DST: variants seen among roughly 807,000 people sequenced by gnomAD.
DST encodes dystonin.
DST carries 253 observed loss-of-function variants against 875.2 expected under a neutral mutation model. That is an observed-to-expected ratio of 0.29 (90% confidence interval 0.26 to 0.32). The LOEUF (loss-of-function observed/expected upper bound fraction) is 0.32. Ranked by LOEUF, DST falls within the 10% of genes least tolerant of loss-of-function variation. The pLI, the probability that DST is intolerant of heterozygous loss-of-function variation, is 1.00. For synonymous variants in DST, 3,124 were observed against 3,197.1 expected (o/e 0.98, Z 0.77); for missense variants, 8,287 against 9,111.6 (o/e 0.91, Z 3.68).
At chr6:56,580,679 G>A (rs532364141) in intron 49 of DST, among the ~76,000 whole-genome samples, 2 of 151,080 alleles carry the variant, frequency 1.3e-5, no homozygotes, top group East Asian at 3.9e-4. Context: ...AAGAGTAGAA[G>A]TGTCCAAAGA....
At chr6:56,915,433 C>A (rs1188379842) in intron 2 of DST, among the ~76,000 whole-genome samples, 4 of 151,866 alleles carry the variant, frequency 2.6e-5, no homozygotes, top group Non-Finnish European at 5.9e-5. Flanking sequence ...AAGAAGACAG[C>A]CTAGAGAGGT....
intron 46 of DST, 22 bp from the exon 47 acceptor site, chr6:56,598,028 G>A (rs754393494): frequency 1.6e-5 from 25 of 1,557,702 alleles, no homozygotes; most frequent in Non-Finnish European, 2.2e-5. Context: ...AAGTTCACAG[G>A]AGGAATTCAG....
intron 57 of DST, among the ~76,000 whole-genome samples, chr6:56,560,793 C>G (rs993122219): frequency 5.9e-5 from 9 of 152,144 alleles, no homozygotes; most frequent in African/African-American, 1.9e-4. Context: ...GGAGAATCTA[C>G]ATGTGAATAA....
chr6:56,601,642 T>G lies in DST; in HGVS notation c.11342A>C (p.Gln3781Pro). ...CACATCAAAGGCAGTAGTCTCCAGC[T>G]GCATTTTGGTATGTCCAAGGTCTTT... is the stretch of plus-strand genomic sequence containing the variant. ...VLKDLGHTKM[Q>P]LETTAFDVQF... The change falls in exon 44 of 104, where the codon CAG (glutamine) becomes CCG (proline). Residue 3781 changes from glutamine to proline, a missense_variant. Gln to Pro is a moderately conservative substitution (Grantham distance 76, BLOSUM62 -1). Transcript: ENST00000680361. 6 of 1,590,392 alleles carry G rather than the reference T, an allele frequency of 3.8e-6. No homozygotes were observed. Among genetic ancestry groups the G allele is most frequent in the Non-Finnish European group, 5.1e-6 (6 of 1,167,330 alleles).
rs182938067 is a variant in DST, at chr6:56,897,627, G to A, written c.417+2794C>T. Among the ~76,000 whole-genome samples, 68 of 152,134 alleles carry A rather than the reference G, an allele frequency of 4.5e-4. No homozygotes were observed. In the South Asian group the frequency reaches 0.013, roughly 28 times the overall value. On this transcript the variant is annotated intron_variant, in intron 3 of 103. Coordinates refer to ENST00000680361, the MANE Select transcript of DST (RefSeq NM_001374736.1). ...ATTACAGGAGTGAGCCACCATGCTC[G>A]GCCACCAGGTAGGTATGTTTTTATT... is the stretch of plus-strand genomic sequence containing the variant.
chr6:56,667,097 A>ATGGGGTCT (rs1218120263), intron 10 of DST, among the ~76,000 whole-genome samples: 3 of 152,068 alleles, frequency 2.0e-5, no homozygotes, highest in African/African-American at 7.2e-5. Context: ...TTTTGTAGAG[A>ATGGGGTCT]TGGGGTCTTG....
At chr6:56,783,901 C>T (rs1303374906) in intron 4 of DST, among the ~76,000 whole-genome samples, 2 of 152,122 alleles carry the variant, frequency 1.3e-5, no homozygotes, top group African/African-American at 2.4e-5. Flanking sequence ...CCTTCAGGCG[C>T]TCTTTTAGGG....
chr6:56,582,257 T>A (rs1257801946), intron 49 of DST, among the ~76,000 whole-genome samples: 2 of 152,230 alleles, frequency 1.3e-5, no homozygotes, highest in East Asian at 3.8e-4. Context: ...CAATCCTCAA[T>A]GTTCAAGGGA....
At chr6:56,767,210 T>C (rs1240348838) in intron 4 of DST, among the ~76,000 whole-genome samples, 1 of 152,176 alleles carries the variant, frequency 6.6e-6, no homozygotes, top group East Asian at 1.9e-4. Context: ...CTAATATTTA[T>C]TGAAAACCTA....
chr6:56,618,369 A>T (rs747981663), intron 36 of DST: 1 of 1,613,748 alleles, frequency 6.2e-7, no homozygotes, highest in Non-Finnish European at 8.5e-7. Flanking sequence ...GAGTGCTGGC[A>T]CTCCTTCACT....
chr6:56,473,964 A>G lies in DST; in HGVS notation c.21903T>C (p.Val7301=). The change falls in exon 93 of 104, where the codon GTT becomes GTC. Residue 7301 remains valine (V), a synonymous_variant. Transcript: ENST00000680361. ...MEEMTRKQPD[V]DKVTKTYKRR... is the part of the protein sequence containing the mutation. ...TCTTATAGGTCTTCGTTACTTTATC[A>G]ACATCAGGCTGTTTTCTGGTCATTT... The G allele has an allele frequency of 6.3e-7, 1 of 1,583,150 alleles. No individual in the cohort carries two copies. Among genetic ancestry groups the G allele is most frequent in the Non-Finnish European group, 8.6e-7 (1 of 1,162,302 alleles).
intron 93 of DST, among the ~76,000 whole-genome samples, chr6:56,472,546 C>T (rs1278978041): frequency 6.6e-6 from 1 of 152,122 alleles, no homozygotes; most frequent in Non-Finnish European, 1.5e-5. Context: ...ATGCTGTGAT[C>T]CTCCACTTTG....
chr6:56,790,415 G>C (rs187111958), intron 4 of DST, among the ~76,000 whole-genome samples: 3 of 152,124 alleles, frequency 2.0e-5, no homozygotes, highest in Admixed American at 1.3e-4. Flanking sequence ...TTTTCACTAT[G>C]CATGCTACAT....
intron 4 of DST, among the ~76,000 whole-genome samples, chr6:56,792,935 G>A (rs1044364174): frequency 6.6e-6 from 1 of 151,840 alleles, no homozygotes; most frequent in African/African-American, 2.4e-5. Flanking sequence ...TAGGCATGGT[G>A]GCATGTACCT....
At position 56,616,995 on chromosome 6, in the gene DST, C is replaced by T. The variant is rs752133375; in HGVS notation, c.4930-2511G>A. The T allele has an allele frequency of 6.3e-5, 102 of 1,609,554 alleles. No homozygotes were observed. The highest frequency in any genetic ancestry group is 8.4e-5 in the Admixed American group (5 of 59,548). Reference sequence around the variant, plus strand: ...ACCATTTTGTCTATTATGATTCTCTCGGCCGCTGAGGCAAATGAAATCTTT... The same window carrying T: ...ACCATTTTGTCTATTATGATTCTCTTGGCCGCTGAGGCAAATGAAATCTTT... On this transcript the variant is annotated intron_variant, in intron 36 of 103. Transcript: ENST00000680361.
At chr6:56,817,801 C>T (rs2099768336) in intron 4 of DST, among the ~76,000 whole-genome samples, 1 of 152,080 alleles carries the variant, frequency 6.6e-6, no homozygotes, top group Non-Finnish European at 1.5e-5. Flanking sequence ...ATAATAGTTC[C>T]CCAAAGATGT....
At chr6:56,791,801 A>G (rs1422472440) in intron 4 of DST, among the ~76,000 whole-genome samples, 1 of 151,748 alleles carries the variant, frequency 6.6e-6, no homozygotes, top group East Asian at 1.9e-4. Flanking sequence ...AAAAAAAAAA[A>G]AAGAAAGAAA....
chr6:56,938,480 T>C (rs866598201), intron 2 of DST, among the ~76,000 whole-genome samples: 1 of 151,858 alleles, frequency 6.6e-6, no homozygotes, highest in Non-Finnish European at 1.5e-5. Flanking sequence ...GTAATTTCCA[T>C]ACATATGAAA....
intron 92 of DST, among the ~76,000 whole-genome samples, chr6:56,475,733 A>G (rs1005557312): frequency 9.9e-5 from 15 of 152,230 alleles, no homozygotes; most frequent in African/African-American, 3.6e-4. Context: ...TCCACATTTA[A>G]TGTGGATACC....
Sources: gnomAD v4.1 joint callset for allele counts (sites outside exome capture counted in the v4.1 genomes callset) on GRCh38, gnomAD v4.1.1 for gene constraint, MANE v1.5 for transcripts, NCBI Gene and HGNC (gene_info 2026-07-23, HGNC 2026-07-21) for gene names.